Variants in SIPA1L1 observed in about 807,000 individuals in gnomAD.
SIPA1L1 encodes signal-induced proliferation-associated 1-like protein 1.
In SIPA1L1, 26 loss-of-function variants were observed where a neutral mutation model predicts 162.7. The observed-to-expected ratio is 0.16, with a 90% CI of 0.12 to 0.22. The LOEUF is 0.22. Ranked by LOEUF, SIPA1L1 falls within the 10% of genes least tolerant of loss-of-function variation. The pLI, the probability that SIPA1L1 is intolerant of heterozygous loss-of-function variation, is 1.00. For synonymous variants in SIPA1L1, 829 were observed against 837.4 expected (o/e 0.99, Z 0.17); for missense variants, 1,874 against 2,241.0 (o/e 0.84, Z 3.31).
intron 3 of SIPA1L1, among the ~76,000 whole-genome samples, chr14:71,518,679 G>T (rs1412963732): frequency 6.6e-6 from 1 of 151,836 alleles, no homozygotes; most frequent in Non-Finnish European, 1.5e-5. Context: ...AGTGGTTCAC[G>T]CCTGTAATCC....
chr14:71,588,945 A>G lies in SIPA1L1; in HGVS notation c.1073A>G (p.Asn358Ser). The G allele has an allele frequency of 6.2e-7, 1 of 1,614,082 alleles. No individual in the cohort carries two copies. Among genetic ancestry groups the G allele is most frequent in the Non-Finnish European group, 8.5e-7 (1 of 1,179,978 alleles). The change falls in exon 5 of 24, where the codon AAC (asparagine) becomes AGC (serine). Residue 358 changes from asparagine to serine, a missense_variant. Physicochemically the swap from Asn to Ser is conservative, Grantham distance 46. Around this residue, in one of 5 missense-constraint regions of SIPA1L1, gnomAD observed 685 missense variants for 828.0 expected, o/e 0.83. Coordinates refer to ENST00000381232, the MANE Select transcript of SIPA1L1 (RefSeq NM_001386936.1). The surrounding 1 kb of genome is among the most constrained non-coding windows in gnomAD (Gnocchi z 4.3). Reference sequence around the variant, plus strand: ...AGGCACAATGTTATTAAGAGGAGAAACACCACCACTGGAGCTTCCGCAGCT... The same window carrying G: ...AGGCACAATGTTATTAAGAGGAGAAGCACCACCACTGGAGCTTCCGCAGCT... ...MNRHNVIKRR[N>S]TTTGASAAAV...
intron 14 of SIPA1L1, among the ~76,000 whole-genome samples, chr14:71,700,883 A>G (rs986547601): frequency 6.6e-6 from 1 of 151,600 alleles, no homozygotes; most frequent in Non-Finnish European, 1.5e-5. Flanking sequence ...AGTCCCAGCT[A>G]CTCAGGAGTC....
intron 2 of SIPA1L1, among the ~76,000 whole-genome samples, chr14:71,450,992 G>A (rs962008673): frequency 1.3e-5 from 2 of 152,094 alleles, no homozygotes; most frequent in African/African-American, 2.4e-5. Context: ...CCAAGATATG[G>A]AATCAATCTA....
chr14:71,691,120 G>A (rs935347610), intron 13 of SIPA1L1, among the ~76,000 whole-genome samples: 2 of 152,232 alleles, frequency 1.3e-5, no homozygotes, highest in Admixed American at 6.5e-5. Context: ...TTCTCATTTC[G>A]CACTAAGTTT....
At chr14:71,543,867 ACG>A (rs2054732059) in intron 4 of SIPA1L1, among the ~76,000 whole-genome samples, 2 of 140,646 alleles carry the variant, frequency 1.4e-5, no homozygotes, top group African/African-American at 2.7e-5. Context: ...CATATATCAT[ACG>A]TATGTGTATA....
chr14:71,672,467 C>G lies in SIPA1L1; in HGVS notation c.2949C>G (p.Ala983=). 6.2e-7 allele frequency: 1 copy of G among 1,614,218 alleles called. No homozygotes were observed. Among genetic ancestry groups the G allele is most frequent in the East Asian group, 2.2e-5 (1 of 44,876 alleles). Residue 983 remains alanine, a synonymous_variant, in exon 12 of 24, where the codon GCC becomes GCG. Transcript: ENST00000381232. ...IVADVEPYGY[A]WQAGLRQGSR... ...CGGATGTGGAGCCCTACGGTTATGC[C>G]TGGCAGGCAGGGCTGAGGCAGGGCA...
Position 71,671,100 on chromosome 14 carries a change from T to C in SIPA1L1, c.2256-19T>C. On this transcript the variant is annotated intron_variant, in intron 10 of 23. Coordinates refer to ENST00000381232, the MANE Select transcript of SIPA1L1 (RefSeq NM_001386936.1). The stretch of plus-strand genomic sequence containing the variant: ...ACTGAGAAATACTGACGTGGCTCTC[T>C]TTGATCTTTGTCTCTCAGTGTGGCT... The C allele has an allele frequency of 6.4e-7, 1 of 1,559,260 alleles. No individual in the cohort carries two copies. The highest frequency in any genetic ancestry group is 2.3e-5 in the East Asian group (1 of 44,382).
intron 4 of SIPA1L1, among the ~76,000 whole-genome samples, chr14:71,563,365 T>C (rs560958958): frequency 6.0e-4 from 92 of 152,186 alleles, no homozygotes; most frequent in African/African-American, 2.2e-3. Context: ...TTTTCTGTCT[T>C]CTTTTGGTTT....
intron 2 of SIPA1L1, among the ~76,000 whole-genome samples, chr14:71,386,025 T>C (rs2040293824): frequency 6.6e-6 from 1 of 152,142 alleles, no homozygotes; most frequent in Admixed American, 6.6e-5. Flanking sequence ...GTATATCTTA[T>C]GCTTACCGTA....
chr14:71,698,931 G>A (rs757429496), intron 13 of SIPA1L1, 50 bp from the exon 14 acceptor site: 26 of 1,606,048 alleles, frequency 1.6e-5, no homozygotes, highest in Non-Finnish European at 2.2e-5. Flanking sequence ...CGTTGCCTTG[G>A]GATTTTCCCT....
chr14:71,631,455 T>C (rs1343527089), intron 7 of SIPA1L1, among the ~76,000 whole-genome samples: 1 of 152,084 alleles, frequency 6.6e-6, no homozygotes. Context: ...TCCTTTTCTC[T>C]TACAAACAGT....
chr14:71,588,949 C>T lies in SIPA1L1; in HGVS notation c.1077C>T (p.Thr359=). 1 of 1,614,058 alleles carries T rather than the reference C, an allele frequency of 6.2e-7. No individual in the cohort carries two copies. Among genetic ancestry groups the T allele is most frequent in the East Asian group, 2.2e-5 (1 of 44,872 alleles). Residue 359 remains threonine, a synonymous_variant, in exon 5 of 24, where the codon ACC becomes ACT. Coordinates refer to ENST00000381232, the MANE Select transcript of SIPA1L1 (RefSeq NM_001386936.1). The surrounding 1 kb of genome is among the most constrained non-coding windows in gnomAD (Gnocchi z 4.3). ...ACAATGTTATTAAGAGGAGAAACAC[C>T]ACCACTGGAGCTTCCGCAGCTGCCG... is the stretch of plus-strand genomic sequence containing the variant. The part of the protein sequence containing the change: ...NRHNVIKRRN[T]TTGASAAAVA...
At chr14:71,499,969 A>G (rs1163598604) in intron 2 of SIPA1L1, among the ~76,000 whole-genome samples, 1 of 152,198 alleles carries the variant, frequency 6.6e-6, no homozygotes. Flanking sequence ...TTTATTGAGC[A>G]ATTATGCCAA....
chr14:71,543,409 G>T (rs9672060), intron 4 of SIPA1L1, among the ~76,000 whole-genome samples: 26,270 of 152,142 alleles, frequency 0.17, 2,749 homozygotes, highest in Middle Eastern at 0.35. Context: ...TACCTAGGAA[G>T]AGAATAATTG....
chr14:71,437,430 T>C (rs143148398), intron 2 of SIPA1L1, among the ~76,000 whole-genome samples: 11 of 152,300 alleles, frequency 7.2e-5, no homozygotes, highest in African/African-American at 2.6e-4. Flanking sequence ...TCCAGTAGCA[T>C]GATCTCGACT....
chr14:71,406,732 A>C (rs1212425051), intron 2 of SIPA1L1, among the ~76,000 whole-genome samples: 2 of 152,048 alleles, frequency 1.3e-5, no homozygotes, highest in Admixed American at 1.3e-4. Context: ...CTAGATTTTA[A>C]GTTTGTTTTA....
At chr14:71,517,705 A>C (rs1164393343) in intron 3 of SIPA1L1, among the ~76,000 whole-genome samples, 1 of 152,090 alleles carries the variant, frequency 6.6e-6, no homozygotes, top group Non-Finnish European at 1.5e-5. Flanking sequence ...TTGACTTTTT[A>C]AATTTAGTCA....
intron 2 of SIPA1L1, among the ~76,000 whole-genome samples, chr14:71,367,353 C>T (rs1473711578): frequency 2.0e-5 from 3 of 146,796 alleles, no homozygotes; most frequent in Non-Finnish European, 4.4e-5. Context: ...GTCTCCCAGG[C>T]TGGAGTGCAG....
chr14:71,624,609 C>T (rs964934778), intron 7 of SIPA1L1, among the ~76,000 whole-genome samples: 1 of 151,996 alleles, frequency 6.6e-6, no homozygotes, highest in Non-Finnish European at 1.5e-5. Flanking sequence ...ATTTGCAAGC[C>T]CCTTTTCTAA....
Sources: allele counts gnomAD v4.1 joint callset (sites outside exome capture counted in the v4.1 genomes callset), GRCh38; gene constraint gnomAD v4.1.1; regional missense constraint gnomAD v4.1.1; non-coding constraint Gnocchi (gnomAD v3.1); transcripts MANE v1.5; gene names NCBI Gene and HGNC (gene_info 2026-07-23, HGNC 2026-07-21).